The following CSMD1 variants were observed in gnomAD, a reference collection of about 807,000 sequenced individuals.
CSMD1 encodes the protein CUB and sushi domain-containing protein 1.
A neutral mutation model predicts 417.5 loss-of-function variants in CSMD1; 213 were observed. That is an observed-to-expected ratio of 0.51 (90% CI 0.46 to 0.57). The LOEUF (loss-of-function observed/expected upper bound fraction) is 0.57, where lower values mean the gene tolerates loss of function less well. Ranked by LOEUF, CSMD1 falls within the 20% of genes least tolerant of loss-of-function variation. CSMD1 has a pLI of 0.00. For synonymous variants in CSMD1, 2,862 were observed against 1,736.8 expected (o/e 1.65, Z -16.11); for missense variants, 6,923 against 4,529.7 (o/e 1.53, Z -15.17).
chr8:4,427,605 T>G (rs1350618277), intron 2 of CSMD1, among the ~76,000 whole-genome samples: 1 of 152,156 alleles, frequency 6.6e-6, no homozygotes, highest in Non-Finnish European at 1.5e-5. Context: ...AGACTCGAAG[T>G]AAAAATTATT....
chr8:4,182,682 C>A (rs537604864), intron 3 of CSMD1, among the ~76,000 whole-genome samples: 2 of 152,062 alleles, frequency 1.3e-5, no homozygotes, highest in Admixed American at 6.6e-5. Flanking sequence ...ATTGTGAATG[C>A]CCGATTAATT....
chr8:4,201,893 G>A (rs1563265085), intron 3 of CSMD1, among the ~76,000 whole-genome samples: 2 of 148,188 alleles, frequency 1.3e-5, no homozygotes, highest in African/African-American at 5.0e-5. Flanking sequence ...ATTTTGGGGG[G>A]GGGGGGCGCT....
At chr8:4,630,189 G>A (rs181694452) in intron 2 of CSMD1, among the ~76,000 whole-genome samples, 5 of 151,558 alleles carry the variant, frequency 3.3e-5, no homozygotes, top group East Asian at 1.9e-4. Flanking sequence ...TCTCTTACAT[G>A]TTTTCTTATT....
intron 10 of CSMD1, among the ~76,000 whole-genome samples, chr8:3,570,847 C>T (rs906642911): frequency 6.6e-6 from 1 of 152,130 alleles, no homozygotes; most frequent in African/African-American, 2.4e-5. Context: ...ATCTTGACTT[C>T]CTCTCTGTCA....
At chr8:4,823,100 G>T (rs1214308766) in intron 1 of CSMD1, among the ~76,000 whole-genome samples, 2 of 152,056 alleles carry the variant, frequency 1.3e-5, no homozygotes, top group Non-Finnish European at 2.9e-5. Flanking sequence ...TCTTGATACA[G>T]CATGAATATA....
chr8:4,327,097 C>T (rs1408959111), intron 3 of CSMD1, among the ~76,000 whole-genome samples: 4 of 152,130 alleles, frequency 2.6e-5, no homozygotes, highest in East Asian at 3.9e-4. Context: ...TATTCTTGAA[C>T]AGGAGAGGGG....
At chr8:4,697,640 G>A (rs1807227849) in intron 1 of CSMD1, among the ~76,000 whole-genome samples, 1 of 152,134 alleles carries the variant, frequency 6.6e-6, no homozygotes, top group Non-Finnish European at 1.5e-5. Context: ...CAATTAAGCA[G>A]GGACTGATAT....
At chr8:3,921,582 T>C (rs749208663) in intron 5 of CSMD1, among the ~76,000 whole-genome samples, 4 of 152,140 alleles carry the variant, frequency 2.6e-5, no homozygotes, top group East Asian at 1.9e-4. Flanking sequence ...TTTGGTGTGC[T>C]TGGTTTCCAT....
intron 3 of CSMD1, among the ~76,000 whole-genome samples, chr8:4,316,044 C>A (rs1226166727): frequency 6.6e-6 from 1 of 152,018 alleles, no homozygotes; most frequent in African/African-American, 2.4e-5. Flanking sequence ...AAATATCCCA[C>A]TGAGAAATAT....
chr8:4,545,103 G>A (rs534479443), intron 2 of CSMD1, among the ~76,000 whole-genome samples: 1 of 152,190 alleles, frequency 6.6e-6, no homozygotes, highest in East Asian at 1.9e-4. Flanking sequence ...CATGTTAAGA[G>A]GGGACATAGT....
chr8:3,595,983 C>A (rs1801073597), intron 8 of CSMD1, among the ~76,000 whole-genome samples: 1 of 152,192 alleles, frequency 6.6e-6, no homozygotes, highest in African/African-American at 2.4e-5. Flanking sequence ...AAGGTGAAAG[C>A]CCCTTTGCCT....
At chr8:4,804,328 G>A (rs1053524742) in intron 1 of CSMD1, among the ~76,000 whole-genome samples, 1 of 152,090 alleles carries the variant, frequency 6.6e-6, no homozygotes, top group African/African-American at 2.4e-5. Flanking sequence ...CTCATGCTAT[G>A]GAATGTTCAG....
intron 1 of CSMD1, among the ~76,000 whole-genome samples, chr8:4,650,175 C>A (rs1040601713): frequency 9.9e-5 from 15 of 151,796 alleles, no homozygotes; most frequent in African/African-American, 3.6e-4. Context: ...GAAACCCCGT[C>A]TCTAATAAAA....
chr8:4,323,839 C>G (rs571719248), intron 3 of CSMD1, among the ~76,000 whole-genome samples: 1 of 152,256 alleles, frequency 6.6e-6, no homozygotes, highest in African/African-American at 2.4e-5. Context: ...CTCCAGGTGC[C>G]TTGTACTGAG....
intron 11 of CSMD1, among the ~76,000 whole-genome samples, chr8:3,470,551 T>C (rs4875718): frequency 0.076 from 11,596 of 152,182 alleles, 516 homozygotes; most frequent in East Asian, 0.19. Context: ...CATTTGTGCA[T>C]GTAGCTCTGC....
intron 26 of CSMD1, among the ~76,000 whole-genome samples, chr8:3,256,737 T>G (rs1435512619): frequency 6.6e-6 from 1 of 152,226 alleles, no homozygotes; most frequent in East Asian, 1.9e-4. Context: ...TGTCTGCATG[T>G]TTAAATCCTG....
intron 51 of CSMD1, among the ~76,000 whole-genome samples, chr8:3,022,914 G>T (rs1325933064): frequency 6.6e-6 from 1 of 152,202 alleles, no homozygotes; most frequent in Non-Finnish European, 1.5e-5. Context: ...CACATAGGAA[G>T]CCTGGCACAA....
intron 1 of CSMD1, among the ~76,000 whole-genome samples, chr8:4,730,091 A>G (rs1240497060): frequency 6.6e-6 from 1 of 152,144 alleles, no homozygotes; most frequent in Non-Finnish European, 1.5e-5. Context: ...TGACATCTTT[A>G]TTACCCCTTT....
chr8:3,550,668 C>T (rs1459891361), intron 10 of CSMD1, among the ~76,000 whole-genome samples: 1 of 152,184 alleles, frequency 6.6e-6, no homozygotes, highest in Non-Finnish European at 1.5e-5. Context: ...CTTTCCTTAG[C>T]TGCTATGACA....
Sources: gnomAD v4.1 joint callset for allele counts (sites outside exome capture counted in the v4.1 genomes callset) on GRCh38, gnomAD v4.1.1 for gene constraint, MANE v1.5 for transcripts, NCBI Gene and HGNC (gene_info 2026-07-23, HGNC 2026-07-21) for gene names.